CLVS1: variants seen among roughly 807,000 people sequenced by gnomAD.
The protein encoded by CLVS1 is clavesin 1.
CLVS1 carries 10 observed loss-of-function variants against 33.1 expected under a neutral mutation model. That is an observed-to-expected ratio of 0.30 (90% CI 0.19 to 0.51). The LOEUF (loss-of-function observed/expected upper bound fraction) is 0.51, where lower values mean the gene tolerates loss of function less well. Among genes scored for constraint, CLVS1 ranks in the 20% least tolerant of loss-of-function variants. The probability of loss-of-function intolerance (pLI) is 0.97; values close to 1 mark genes in which losing one functional copy is unlikely to be tolerated. For missense variants in CLVS1, 343 were observed against 433.4 expected (o/e 0.79, Z 1.85); for synonymous variants, 163 against 166.1 (o/e 0.98, Z 0.14).
In CLVS1 at chr8:61,462,324, C is replaced by A. The variant is rs368403146; in HGVS notation, c.977+3782C>A. 8.5e-4 allele frequency among the ~76,000 whole-genome samples: 129 copies of A among 152,274 alleles called. No individual in the cohort carries two copies. The Middle Eastern group carries it at 0.01, about 12-fold the overall frequency. On this transcript the variant is annotated intron_variant, in intron 5 of 5. Transcript: ENST00000325897. ...ATTTACTTTGTCCAGATCCATCAGA[C>A]AAATCACTATCTATGGTAGCTATAG...
At chr8:61,068,446 A>G (rs1301634840) in intron 1 of CLVS1, among the ~76,000 whole-genome samples, 1 of 151,824 alleles carries the variant, frequency 6.6e-6, no homozygotes, top group African/African-American at 2.4e-5. Context: ...GGTGCGTAGG[A>G]ACCTCTAACT....
intron 2 of CLVS1, among the ~76,000 whole-genome samples, chr8:61,185,911 CGTTGGTAT>C (rs1237464692): frequency 1.3e-5 from 2 of 152,144 alleles, no homozygotes; most frequent in African/African-American, 4.8e-5. Flanking sequence ...AAATGTTAGC[CGTTGGTAT>C]TACTGCCATG....
chr8:61,270,589 G>A (rs556461810), intron 2 of CLVS1, among the ~76,000 whole-genome samples: 1 of 152,304 alleles, frequency 6.6e-6, no homozygotes, highest in East Asian at 1.9e-4. Context: ...AGAAGGAATG[G>A]TACCAGTTTC....
intron 2 of CLVS1, among the ~76,000 whole-genome samples, chr8:61,307,833 C>T (rs1285267330): frequency 1.3e-5 from 2 of 152,096 alleles, no homozygotes; most frequent in Non-Finnish European, 2.9e-5. Context: ...GCTTCCCCTC[C>T]CCCTCCCACA....
the CLVS1 span, among the ~76,000 whole-genome samples, chr8:61,024,326 A>G: frequency 2.6e-5 from 4 of 152,232 alleles, no homozygotes; most frequent in African/African-American, 9.6e-5. Context: ...ATAAACAACC[A>G]TCAGACAATG....
intron 2 of CLVS1, among the ~76,000 whole-genome samples, chr8:61,312,248 C>T (rs759943841): frequency 2.6e-5 from 4 of 152,164 alleles, no homozygotes; most frequent in Non-Finnish European, 5.9e-5. Context: ...CCCGCCCTTT[C>T]GATATGGTTC....
At chr8:61,114,913 T>C (rs1805690276) in intron 1 of CLVS1, among the ~76,000 whole-genome samples, 1 of 152,216 alleles carries the variant, frequency 6.6e-6, no homozygotes, top group Non-Finnish European at 1.5e-5. Context: ...TAGTATAAGA[T>C]GGCACTGGAA....
At chr8:61,336,016 G>A (rs532126657) in intron 2 of CLVS1, among the ~76,000 whole-genome samples, 13 of 152,254 alleles carry the variant, frequency 8.5e-5, no homozygotes, top group African/African-American at 2.9e-4. Context: ...GGCTGCCTGA[G>A]GGTAAAGGCA....
intron 1 of CLVS1, among the ~76,000 whole-genome samples, chr8:61,122,483 C>T (rs1585626624): frequency 6.6e-6 from 1 of 151,934 alleles, no homozygotes. Flanking sequence ...TCTTTGCAAT[C>T]TCAGCTTTTG....
At chr8:61,236,677 A>G (rs150558831) in intron 2 of CLVS1, among the ~76,000 whole-genome samples, 1,832 of 152,260 alleles carry the variant, frequency 0.012, 46 homozygotes, top group African/African-American at 0.042. Context: ...ATAGCTCCCC[A>G]GGGCCTAGAT....
chr8:61,184,194 C>A (rs986874946), intron 2 of CLVS1, among the ~76,000 whole-genome samples: 6 of 152,120 alleles, frequency 3.9e-5, no homozygotes, highest in Admixed American at 2.0e-4. Context: ...GAAGAAGGAT[C>A]AAGGAGTGGA....
At chr8:61,304,556 A>G (rs995805555) in intron 2 of CLVS1, among the ~76,000 whole-genome samples, 1 of 152,222 alleles carries the variant, frequency 6.6e-6, no homozygotes, top group African/African-American at 2.4e-5. Flanking sequence ...CTTGGTATGT[A>G]ACGGAGACCT....
At chr8:61,126,560 G>C (rs1378509403) in intron 1 of CLVS1, among the ~76,000 whole-genome samples, 1 of 152,134 alleles carries the variant, frequency 6.6e-6, no homozygotes, top group Non-Finnish European at 1.5e-5. Flanking sequence ...TATTAAAGAA[G>C]CTTTAAAGTA....
chr8:61,421,845 G>T (rs888695622), intron 3 of CLVS1, among the ~76,000 whole-genome samples: 1 of 152,100 alleles, frequency 6.6e-6, no homozygotes, highest in South Asian at 2.1e-4. Context: ...CTCTGTGGTC[G>T]TGCTAGGAAC....
intron 2 of CLVS1, among the ~76,000 whole-genome samples, chr8:61,360,518 G>A (rs1458622992): frequency 2.0e-5 from 3 of 152,136 alleles, no homozygotes; most frequent in Non-Finnish European, 4.4e-5. Flanking sequence ...AATTTAGCTG[G>A]AACAAACTGT....
At chr8:61,282,848 G>A (rs959326682) in intron 2 of CLVS1, among the ~76,000 whole-genome samples, 9 of 152,148 alleles carry the variant, frequency 5.9e-5, no homozygotes, top group Admixed American at 2.6e-4. Flanking sequence ...TGAATGAAAA[G>A]TTGCAGGAAC....
chr8:61,404,866 A>T (rs751112646), intron 3 of CLVS1, among the ~76,000 whole-genome samples: 20 of 152,174 alleles, frequency 1.3e-4, no homozygotes, highest in Non-Finnish European at 2.6e-4. Context: ...CCCCAAGATG[A>T]ACACCATGGT....
the CLVS1 span, among the ~76,000 whole-genome samples, chr8:61,050,635 G>A: frequency 9.6e-6 from 1 of 103,824 alleles, no homozygotes; most frequent in Non-Finnish European, 1.8e-5. Context: ...TGGGCACACA[G>A]AGGGTCCTCA....
chr8:61,226,980 G>GTTTTTTTTTTTTTTTTTTTTTTTTTTTT (rs55718731), intron 2 of CLVS1, among the ~76,000 whole-genome samples: 3 of 132,310 alleles, frequency 2.3e-5, no homozygotes. Context: ...ACGAAAACAT[G>GTTTTTTTTTTTTTTTTTTTTTTTTTTTT]TTTTTTTTTT....
Sources: allele counts gnomAD v4.1 joint callset (sites outside exome capture counted in the v4.1 genomes callset), GRCh38; gene constraint gnomAD v4.1.1; transcripts MANE v1.5; gene names NCBI Gene and HGNC (gene_info 2026-07-23, HGNC 2026-07-21).